Variants in DOCK1 observed in about 807,000 individuals in gnomAD.
DOCK1 encodes the protein dedicator of cytokinesis 1, also known as dedicator of cytokinesis protein 1.
In DOCK1, 138 loss-of-function variants were observed where a neutral mutation model predicts 262.7. The ratio of observed to expected loss-of-function variants is 0.53; its 90% CI spans 0.46 to 0.61. The LOEUF (loss-of-function observed/expected upper bound fraction) is 0.61. DOCK1 is among the 20% of genes least tolerant of loss of function. DOCK1 has a pLI of 0.00. For missense variants in DOCK1, 1,908 were observed against 2,370.7 expected, an observed-to-expected ratio of 0.80 and a Z score of 4.05; for synonymous variants, 866 against 867.4, an observed-to-expected ratio of 1.00 and a Z score of 0.03.
chr10:127,289,527 A>C (rs895365843), intron 29 of DOCK1, among the ~76,000 whole-genome samples: 1 of 152,170 alleles, frequency 6.6e-6, no homozygotes, highest in African/African-American at 2.4e-5. Flanking sequence ...ATTTTGGTAA[A>C]TAATACTCAA....
chr10:127,216,042 A>G (rs2068362428), intron 27 of DOCK1, among the ~76,000 whole-genome samples: 1 of 152,138 alleles, frequency 6.6e-6, no homozygotes, highest in South Asian at 2.1e-4. Flanking sequence ...GTTGCTCCCC[A>G]GTAAACTATC....
chr10:126,941,522 C>T (rs2034981955), intron 1 of DOCK1, among the ~76,000 whole-genome samples: 2 of 152,156 alleles, frequency 1.3e-5, no homozygotes, highest in African/African-American at 2.4e-5. Context: ...TGTGGGAGGC[C>T]AAGGCGGGCG....
intron 29 of DOCK1, among the ~76,000 whole-genome samples, chr10:127,291,839 A>G (rs988190084): frequency 6.6e-6 from 1 of 152,230 alleles, no homozygotes; most frequent in Admixed American, 6.5e-5. Flanking sequence ...AAATGCAGAC[A>G]TAAATCATCT....
At chr10:127,428,631 CAT>C (rs2068994318) in intron 47 of DOCK1, among the ~76,000 whole-genome samples, 2 of 132,796 alleles carry the variant, frequency 1.5e-5, no homozygotes, top group Admixed American at 7.5e-5. Flanking sequence ...ATTGGGGTGT[CAT>C]GTGGATTGGA....
intron 29 of DOCK1, among the ~76,000 whole-genome samples, chr10:127,307,170 GT>G (rs1177844080): frequency 3.3e-5 from 5 of 152,078 alleles, no homozygotes; most frequent in Non-Finnish European, 1.5e-5. Context: ...CTTTCATTTT[GT>G]TTTTGTATTT....
chr10:127,397,287 A>G (rs2066934374), intron 38 of DOCK1, among the ~76,000 whole-genome samples: 1 of 145,812 alleles, frequency 6.9e-6, no homozygotes. Flanking sequence ...TGATCTGAGC[A>G]TGAGTTACAC....
At chr10:127,335,321 G>A (rs562133555) in intron 29 of DOCK1, among the ~76,000 whole-genome samples, 117 of 152,214 alleles carry the variant, frequency 7.7e-4, no homozygotes, top group African/African-American at 2.6e-3. Context: ...TACCCCACAC[G>A]CCCTCGAATT....
intron 27 of DOCK1, among the ~76,000 whole-genome samples, chr10:127,245,308 G>A (rs1161759539): frequency 6.6e-6 from 1 of 152,202 alleles, no homozygotes; most frequent in Non-Finnish European, 1.5e-5. Flanking sequence ...GCTAAGAAAG[G>A]AAAGACTGAA....
At chr10:127,429,399 G>T (rs921324336) in intron 47 of DOCK1, among the ~76,000 whole-genome samples, 1 of 152,056 alleles carries the variant, frequency 6.6e-6, no homozygotes, top group Non-Finnish European at 1.5e-5. Context: ...GCAATAAAAC[G>T]CAGTCTGGGA....
intron 23 of DOCK1, among the ~76,000 whole-genome samples, chr10:127,066,072 C>T (rs868179024): frequency 2.6e-5 from 4 of 152,054 alleles, no homozygotes; most frequent in East Asian, 1.9e-4. Context: ...AAATTCAACC[C>T]GTGCCTTCTG....
At chr10:126,965,339 C>T (rs1195730784) in intron 1 of DOCK1, among the ~76,000 whole-genome samples, 4 of 151,944 alleles carry the variant, frequency 2.6e-5, no homozygotes, top group South Asian at 2.1e-4. Flanking sequence ...CAGGTGGAGC[C>T]GAGGAGGGTG....
chr10:127,070,408 C>G (rs1169880681), intron 23 of DOCK1, among the ~76,000 whole-genome samples: 1 of 151,756 alleles, frequency 6.6e-6, no homozygotes, highest in Non-Finnish European at 1.5e-5. Context: ...CACCCACTAC[C>G]ACGCCAAGCT....
At chr10:127,219,409 G>A (rs1334236573) in intron 27 of DOCK1, among the ~76,000 whole-genome samples, 1 of 152,004 alleles carries the variant, frequency 6.6e-6, no homozygotes, top group Non-Finnish European at 1.5e-5. Context: ...ATTAGTCCTT[G>A]GCCATTTTGT....
At chr10:127,420,113 A>G (rs914361001) in intron 46 of DOCK1, among the ~76,000 whole-genome samples, 34 of 152,352 alleles carry the variant, frequency 2.2e-4, no homozygotes, top group African/African-American at 7.9e-4. Flanking sequence ...CGCTCGGGCC[A>G]GTGCAGTCCC....
At chr10:126,929,210 A>T (rs2033998796) in intron 1 of DOCK1, among the ~76,000 whole-genome samples, 1 of 152,184 alleles carries the variant, frequency 6.6e-6, no homozygotes, top group African/African-American at 2.4e-5. Flanking sequence ...AGTTGGACTG[A>T]TCTGGGGATG....
Position 127,343,689 on chromosome 10 carries a change from A to C in DOCK1, c.3167A>C (p.Gln1056Pro). The C allele has an allele frequency of 6.2e-7, 1 of 1,611,730 alleles. No individual in the cohort carries two copies. Among genetic ancestry groups the C allele is most frequent in the Non-Finnish European group, 8.5e-7 (1 of 1,179,108 alleles). Residue 1056 changes from glutamine (Q) to proline (P), a missense_variant, in exon 31 of 52, where the codon CAA becomes CCA. By Grantham distance (76) the Gln-to-Pro change is moderately conservative. Transcript: ENST00000623213. ...CACCTGGCTGTTGCTTTCCTTACTC[A>C]AGAGTCCCTGCAACTGGAGAATTTT... ...YFHLAVAFLTQESLQLENFSS... is the reference protein window; with the variant it reads ...YFHLAVAFLTPESLQLENFSS...
chr10:127,085,061 A>G (rs1591961774), intron 23 of DOCK1, among the ~76,000 whole-genome samples: 1 of 151,668 alleles, frequency 6.6e-6, no homozygotes, highest in Non-Finnish European at 1.5e-5. Context: ...CTTCCTCTCA[A>G]CTCCTGGCCT....
At chr10:126,990,798 C>T (rs1256540415) in intron 6 of DOCK1, among the ~76,000 whole-genome samples, 195 bp downstream of exon 6, 1 of 152,106 alleles carries the variant, frequency 6.6e-6, no homozygotes, top group Non-Finnish European at 1.5e-5. Context: ...GTGAGCCATT[C>T]TTGAAACCTT....
intron 27 of DOCK1, among the ~76,000 whole-genome samples, chr10:127,218,881 A>G (rs1023706646): frequency 4.6e-5 from 7 of 152,154 alleles, no homozygotes; most frequent in Non-Finnish European, 8.8e-5. Context: ...TCTGCTCTCT[A>G]CTTCCAAGAT....
Sources: gnomAD v4.1 joint callset for allele counts (sites outside exome capture counted in the v4.1 genomes callset) on GRCh38, gnomAD v4.1.1 for gene constraint, MANE v1.5 for transcripts, NCBI Gene and HGNC (gene_info 2026-07-23, HGNC 2026-07-21) for gene names.